The following ABI3BP variants were observed in gnomAD, a reference collection of about 807,000 sequenced individuals.
The protein encoded by ABI3BP is target of Nesh-SH3.
In ABI3BP, 216 loss-of-function variants were observed where a neutral mutation model predicts 268.6. That is an observed-to-expected ratio of 0.80 (90% CI 0.72 to 0.90). The LOEUF is 0.90. Ranked by LOEUF, ABI3BP falls within the 40% of genes least tolerant of loss-of-function variation. ABI3BP has a pLI of 0.00. For missense variants in ABI3BP, 2,090 were observed against 2,182.4 expected (o/e 0.96, Z 0.84); for synonymous variants, 730 against 730.0 (o/e 1.00, Z 0.00).
At chr3:100,926,658 G>A (rs886493960) in intron 1 of ABI3BP, among the ~76,000 whole-genome samples, 177 bp from the exon 2 acceptor site, 4 of 152,078 alleles carry the variant, frequency 2.6e-5, no homozygotes, top group Admixed American at 6.6e-5. Context: ...ATAACATAGA[G>A]CAGCCTAGAA....
chr3:100,847,577 T>A (rs1486831367), intron 19 of ABI3BP, 25 bp downstream of exon 19: 1 of 1,574,864 alleles, frequency 6.3e-7, no homozygotes, highest in South Asian at 1.1e-5. Flanking sequence ...AAGCAACACA[T>A]CTACTAAGGA....
intron 1 of ABI3BP, among the ~76,000 whole-genome samples, chr3:100,948,912 T>G (rs900175488): frequency 6.6e-6 from 1 of 152,212 alleles, no homozygotes; most frequent in Non-Finnish European, 1.5e-5. Flanking sequence ...ACATTCATTT[T>G]AATAAGAAAT....
At chr3:100,779,087 G>T (rs1178533683) in intron 58 of ABI3BP, among the ~76,000 whole-genome samples, 1 of 152,164 alleles carries the variant, frequency 6.6e-6, no homozygotes, top group Non-Finnish European at 1.5e-5. Flanking sequence ...AATTGTTAAA[G>T]CATAAAATTT....
intron 2 of ABI3BP, among the ~76,000 whole-genome samples, chr3:100,905,595 A>AAT (rs1157218325): frequency 3.9e-5 from 6 of 152,166 alleles, no homozygotes; most frequent in Non-Finnish European, 7.4e-5. Context: ...GTGTTGGTAG[A>AAT]ATGTGCACAT....
chr3:100,964,063 G>A (rs887803271), intron 1 of ABI3BP, among the ~76,000 whole-genome samples: 1 of 152,302 alleles, frequency 6.6e-6, no homozygotes, highest in East Asian at 1.9e-4. Flanking sequence ...GGGTATGGGA[G>A]TCCTCGGTAA....
intron 1 of ABI3BP, among the ~76,000 whole-genome samples, chr3:100,989,282 A>T (rs2092519336): frequency 6.6e-6 from 1 of 152,230 alleles, no homozygotes; most frequent in African/African-American, 2.4e-5. Context: ...GTATTTTGTC[A>T]CAGAAGCACG....
At chr3:100,839,287 T>C (rs1359728652) in intron 24 of ABI3BP, among the ~76,000 whole-genome samples, 1 of 152,180 alleles carries the variant, frequency 6.6e-6, no homozygotes, top group East Asian at 1.9e-4. Flanking sequence ...GAGAAGGAGT[T>C]GATGGCTTTC....
chr3:100,786,790 C>G (rs1056569172), intron 57 of ABI3BP, among the ~76,000 whole-genome samples: 2 of 152,206 alleles, frequency 1.3e-5, no homozygotes, highest in East Asian at 3.9e-4. Flanking sequence ...GAGATGCTTT[C>G]TTGCTTTTCA....
intron 4 of ABI3BP, among the ~76,000 whole-genome samples, chr3:100,894,956 A>AAAAAAAAAAAAAAAAAACAAAAACAAAC (rs1554076985): frequency 7.6e-6 from 1 of 131,440 alleles, no homozygotes; most frequent in Non-Finnish European, 1.7e-5. Context: ...AAAAAAAAAA[A>AAAAAAAAAAAAAAAAAACAAAAACAAAC]AAAAAAAAAA....
At chr3:100,783,250 T>C (rs773317991) in intron 57 of ABI3BP, among the ~76,000 whole-genome samples, 74 of 152,136 alleles carry the variant, frequency 4.9e-4, no homozygotes, top group Admixed American at 1.0e-3. Flanking sequence ...CTGGAAGATT[T>C]AGTTACAGCC....
At chr3:100,837,414 T>C (rs775416607) in intron 26 of ABI3BP, 9 of 403,792 alleles carry the variant, frequency 2.2e-5, no homozygotes, top group African/African-American at 6.2e-5. Flanking sequence ...AACTGTTATA[T>C]AAATATCTTC....
Position 100,751,587 on chromosome 3 carries a change from T to C in ABI3BP, c.5210A>G (p.Gln1737Arg). 6.3e-7 allele frequency: 1 copy of C among 1,598,174 alleles called. No homozygotes were observed. The highest frequency in any genetic ancestry group is 2.2e-5 in the East Asian group (1 of 44,504). The change falls in exon 67 of 68, where the codon CAG becomes CGG. Residue 1737 changes from glutamine to arginine, a missense_variant. Coordinates refer to ENST00000471714, the MANE Select transcript of ABI3BP (RefSeq NM_001375547.2). ...VDSFLDGRTG[Q>R]QLTSDQLPIK... ...TGGTAACTGGTCAGAAGTGAGTTGC[T>C]GCCCAGTGCGTCCATCTAAAAATGA... is the stretch of plus-strand genomic sequence containing the variant.
intron 2 of ABI3BP, among the ~76,000 whole-genome samples, chr3:100,917,631 C>T (rs2059020772): frequency 6.6e-6 from 1 of 152,122 alleles, no homozygotes; most frequent in African/African-American, 2.4e-5. Context: ...CATTCGGGGA[C>T]ACTCTTTTGG....
chr3:100,796,770 G>A (rs2097358609), intron 51 of ABI3BP, among the ~76,000 whole-genome samples: 1 of 152,064 alleles, frequency 6.6e-6, no homozygotes, highest in South Asian at 2.1e-4. Context: ...CCCTCAAGTG[G>A]CTTTCAAAAT....
At chr3:100,795,720 G>C in intron 53 of ABI3BP, 84 bp downstream of exon 53, 4 of 1,014,588 alleles carry the variant, frequency 3.9e-6, no homozygotes, top group Non-Finnish European at 5.3e-6. Context: ...AAGAAATGAT[G>C]TTTCAACAGG....
intron 62 of ABI3BP, among the ~76,000 whole-genome samples, chr3:100,766,631 C>A (rs1209914192): frequency 6.6e-6 from 1 of 152,130 alleles, no homozygotes; most frequent in Non-Finnish European, 1.5e-5. Flanking sequence ...CACTTAAGGG[C>A]ACATTTCTAT....
Position 100,752,890 on chromosome 3 carries a change from A to G in ABI3BP, c.5019T>C (p.Cys1673=), listed in dbSNP as rs771318864. 2.5e-6 allele frequency: 4 copies of G among 1,613,496 alleles called. No individual in the cohort carries two copies. Among genetic ancestry groups the G allele is most frequent in the Non-Finnish European group, 1.7e-6 (2 of 1,179,726 alleles). Residue 1673 remains cysteine (C), a synonymous_variant, in exon 66 of 68, where the codon TGT becomes TGC. Transcript: ENST00000471714. ...TCCTTTTGACATATTGTTTGCCCTT[A>G]CACTCTGAGTAAGAGTCTGAATTAA... ...RPFNSDSYSE[C]KGKQYVKRTW... is the part of the protein sequence containing the mutation.
intron 11 of ABI3BP, chr3:100,864,509 T>G (rs2099030623): frequency 3.1e-6 from 1 of 321,750 alleles, no homozygotes; most frequent in Non-Finnish European, 5.7e-6. Context: ...CTTCCAGGTT[T>G]CCTTCATTCT....
At chr3:100,772,849 T>G (rs2096589212) in intron 61 of ABI3BP, among the ~76,000 whole-genome samples, 2 of 151,948 alleles carry the variant, frequency 1.3e-5, no homozygotes, top group Admixed American at 6.6e-5. Context: ...GAGGCCGAGA[T>G]GGGTGGATCA....
Sources: allele counts gnomAD v4.1 joint callset (sites outside exome capture counted in the v4.1 genomes callset), GRCh38; gene constraint gnomAD v4.1.1; transcripts MANE v1.5; gene names NCBI Gene and HGNC (gene_info 2026-07-23, HGNC 2026-07-21).